Variants in MAD1L1 observed in about 807,000 individuals in gnomAD.
MAD1L1 encodes mitotic arrest deficient 1 like 1, also known as mitotic spindle assembly checkpoint protein MAD1.
In MAD1L1, 95 loss-of-function variants were observed where a neutral mutation model predicts 96.9. The observed-to-expected ratio is 0.98, with a 90% CI of 0.83 to 1.16. MAD1L1 has a LOEUF of 1.16. MAD1L1 is among the 50% of genes most tolerant of loss of function. MAD1L1 has a pLI of 0.00. For synonymous variants in MAD1L1, 473 were observed against 396.6 expected (o/e 1.19, Z -2.29); for missense variants, 1,007 against 954.4 (o/e 1.06, Z -0.73).
intron 10 of MAD1L1, among the ~76,000 whole-genome samples, chr7:2,211,789 ATGC>A (rs760825008): frequency 1.3e-5 from 2 of 152,228 alleles, no homozygotes; most frequent in Non-Finnish European, 2.9e-5. Context: ...GAAGCCAGTA[ATGC>A]TGATGAGAAG....
intron 15 of MAD1L1, among the ~76,000 whole-genome samples, chr7:1,978,062 A>G (rs985847287): frequency 6.6e-6 from 1 of 152,216 alleles, no homozygotes; most frequent in Non-Finnish European, 1.5e-5. Flanking sequence ...GCTGCTGTGC[A>G]CGGCCTCTCC....
chr7:2,161,015 A>G (rs1439385812), intron 10 of MAD1L1, among the ~76,000 whole-genome samples: 1 of 149,886 alleles, frequency 6.7e-6, no homozygotes, highest in Admixed American at 6.7e-5. Context: ...TCAGCTATGC[A>G]TAACAATGCA....
chr7:2,045,063 C>T (rs989215743), intron 12 of MAD1L1, among the ~76,000 whole-genome samples: 1 of 152,218 alleles, frequency 6.6e-6, no homozygotes, highest in African/African-American at 2.4e-5. Context: ...ACGGCAAGCC[C>T]CGGCCTCTGA....
At chr7:1,830,698 T>A (rs1678931187) in intron 18 of MAD1L1, among the ~76,000 whole-genome samples, 1 of 152,196 alleles carries the variant, frequency 6.6e-6, no homozygotes, top group African/African-American at 2.4e-5. Flanking sequence ...GTCGTATCAT[T>A]CGAGGATGAC....
chr7:1,936,813 G>A lies in MAD1L1; in HGVS notation c.1681C>T (p.His561Tyr), dbSNP rs746414715. 2 of 1,599,360 alleles carry A rather than the reference G, an allele frequency of 1.3e-6. No individual in the cohort carries two copies. The highest frequency in any genetic ancestry group is 1.3e-5 in the African/African-American group (1 of 74,924). Reference sequence around the variant, plus strand: ...TCGCACTCCGCCTGCAGCTGGCTGTGGTCCTCGCGCAGGCGCTGCCTGGCC... The same window carrying A: ...TCGCACTCCGCCTGCAGCTGGCTGTAGTCCTCGCGCAGGCGCTGCCTGGCC... ...SVARQRLREDHSQLQAECERL... is the reference protein window; with the variant it reads ...SVARQRLREDYSQLQAECERL... The change falls in exon 17 of 19, where the codon CAC becomes TAC. Residue 561 changes from histidine to tyrosine, a missense_variant. Coordinates refer to ENST00000265854, the MANE Select transcript of MAD1L1 (RefSeq NM_001013836.2).
Position 2,199,863 on chromosome 7 carries a change from A to G in MAD1L1, c.986+13349T>C, listed in dbSNP as rs150037433. Among the ~76,000 whole-genome samples the G allele has an allele frequency of 2.0e-3, 309 of 152,208 alleles. 2 individuals carry two copies. Among genetic ancestry groups the G allele is most frequent in the Admixed American group, 4.1e-3 (63 of 15,288 alleles). Reference sequence around the variant, plus strand: ...CGCCATGCTGGCCAGCAGGGCCCACACTCCGCACCATCCAGGTCAGCTGGA... The same window carrying G: ...CGCCATGCTGGCCAGCAGGGCCCACGCTCCGCACCATCCAGGTCAGCTGGA... On this transcript the variant is annotated intron_variant, in intron 10 of 18. Coordinates refer to ENST00000265854, the MANE Select transcript of MAD1L1 (RefSeq NM_001013836.2).
At chr7:2,064,382 T>C (rs1784789407) in intron 12 of MAD1L1, among the ~76,000 whole-genome samples, 1 of 151,388 alleles carries the variant, frequency 6.6e-6, no homozygotes, top group South Asian at 2.1e-4. Flanking sequence ...TAAGCCTGGC[T>C]CCCCTGCCCC....
At chr7:2,014,185 C>T (rs1391468914) in intron 13 of MAD1L1, among the ~76,000 whole-genome samples, 1 of 152,200 alleles carries the variant, frequency 6.6e-6, no homozygotes, top group African/African-American at 2.4e-5. Flanking sequence ...GGGGAAGGAC[C>T]TTGAGTGCCC....
At chr7:2,173,344 TGCCCCGCGTCTGGCTGA>T (rs1418501546) in intron 10 of MAD1L1, among the ~76,000 whole-genome samples, 2 of 152,142 alleles carry the variant, frequency 1.3e-5, no homozygotes, top group Admixed American at 1.3e-4. Context: ...CAGCTCTAGC[TGCCCCGCGTCTGGCTGA>T]GCCCCGCGTC....
At chr7:1,958,134 GAGGAAAAGAC>G (rs1201369095) in intron 15 of MAD1L1, among the ~76,000 whole-genome samples, 1 of 152,206 alleles carries the variant, frequency 6.6e-6, no homozygotes, top group Non-Finnish European at 1.5e-5. Flanking sequence ...CTTCAGAAAT[GAGGAAAAGAC>G]AGGAAAGGAC....
intron 13 of MAD1L1, among the ~76,000 whole-genome samples, chr7:2,006,743 G>C (rs1050458782): frequency 1.3e-5 from 2 of 152,074 alleles, no homozygotes; most frequent in East Asian, 3.9e-4. Flanking sequence ...GGGGTCCCGA[G>C]AGACCCAAGA....
intron 17 of MAD1L1, among the ~76,000 whole-genome samples, chr7:1,926,151 C>G (rs1261305633): frequency 2.6e-5 from 4 of 152,176 alleles, no homozygotes; most frequent in African/African-American, 7.2e-5. Flanking sequence ...TACATTTGAT[C>G]ACAGATATAA....
intron 10 of MAD1L1, among the ~76,000 whole-genome samples, chr7:2,184,270 A>T (rs891387946): frequency 1.6e-4 from 24 of 149,304 alleles, no homozygotes; most frequent in African/African-American, 5.6e-4. Context: ...ATTTTAAAAT[A>T]AAAAAAAAAG....
Position 2,102,274 on chromosome 7 carries a change from TCACCAC to T in MAD1L1, c.1074-32942_1074-32937del, listed in dbSNP as rs1211663482. 4.9e-4 allele frequency among the ~76,000 whole-genome samples: 61 copies of T among 124,536 alleles called. 1 individual carries two copies. Among genetic ancestry groups the T allele is most frequent in the East Asian group, 2.2e-3 (9 of 4,154 alleles). The allele number at this position is 124,536 out of a possible 152,430, so 81.7% of individuals were successfully genotyped here. On this transcript the variant is annotated intron_variant, in intron 11 of 18. Transcript: ENST00000265854. ...ACTGTCACCATCACCACCATCACTA[TCACCAC>T]CACCACCGCCACTGTCACCATCACC... is the stretch of plus-strand genomic sequence containing the variant.
chr7:2,166,638 G>A (rs1004626999), intron 10 of MAD1L1, among the ~76,000 whole-genome samples: 2 of 152,364 alleles, frequency 1.3e-5, no homozygotes, highest in East Asian at 3.9e-4. Flanking sequence ...CAGAACAGGG[G>A]CAGCAAGTGG....
intron 12 of MAD1L1, among the ~76,000 whole-genome samples, chr7:2,062,671 A>T (rs1784714414): frequency 6.6e-6 from 1 of 152,062 alleles, no homozygotes; most frequent in African/African-American, 2.4e-5. Flanking sequence ...TGGGGTTGCT[A>T]ACTACCTGCT....
At chr7:2,207,446 C>T (rs1299691116) in intron 10 of MAD1L1, among the ~76,000 whole-genome samples, 1 of 152,010 alleles carries the variant, frequency 6.6e-6, no homozygotes, top group South Asian at 2.1e-4. Flanking sequence ...GGAGAGGGGC[C>T]GAAGGGTGAG....
intron 5 of MAD1L1, 65 bp from the exon 6 acceptor site, chr7:2,219,521 C>T: frequency 6.4e-7 from 1 of 1,574,050 alleles, no homozygotes; most frequent in Non-Finnish European, 8.6e-7. Flanking sequence ...GGAGCCTGCA[C>T]ATGGAGATGA....
At chr7:2,213,793 C>T (rs1793112335) in intron 9 of MAD1L1, among the ~76,000 whole-genome samples, 1 of 152,222 alleles carries the variant, frequency 6.6e-6, no homozygotes, top group Non-Finnish European at 1.5e-5. Context: ...GAGGGTGAGA[C>T]ACTGCCTACA....
Sources: allele counts gnomAD v4.1 joint callset (sites outside exome capture counted in the v4.1 genomes callset), GRCh38; gene constraint gnomAD v4.1.1; transcripts MANE v1.5; gene names NCBI Gene and HGNC (gene_info 2026-07-23, HGNC 2026-07-21).